Variants in NAA35 observed in about 807,000 individuals in gnomAD.
NAA35 encodes N-alpha-acetyltransferase 35, NatC auxiliary subunit.
In NAA35, 18 loss-of-function variants were observed where a neutral mutation model predicts 101.7. That is an observed-to-expected ratio of 0.18 (90% CI 0.12 to 0.26). The LOEUF (loss-of-function observed/expected upper bound fraction) is 0.26. Ranked by LOEUF, NAA35 falls within the 10% of genes least tolerant of loss-of-function variation. The pLI is 1.00. For synonymous variants in NAA35, 267 were observed against 273.1 expected (o/e 0.98, Z 0.22); for missense variants, 601 against 886.8 (o/e 0.68, Z 4.09).
chr9:85,949,089 T>A (rs1780785976), intron 2 of NAA35, among the ~76,000 whole-genome samples: 1 of 152,084 alleles, frequency 6.6e-6, no homozygotes, highest in South Asian at 2.1e-4. Context: ...TTTTAGGATC[T>A]TCTGTTTGTC....
chr9:86,005,391 T>G (rs139624937), intron 13 of NAA35, among the ~76,000 whole-genome samples: 1 of 152,308 alleles, frequency 6.6e-6, no homozygotes, highest in Non-Finnish European at 1.5e-5. Flanking sequence ...TCATACTTAA[T>G]GATGAAAGAC....
intron 2 of NAA35, among the ~76,000 whole-genome samples, chr9:85,952,989 C>G (rs1050122666): frequency 1.3e-5 from 2 of 152,156 alleles, no homozygotes; most frequent in Non-Finnish European, 2.9e-5. Context: ...GGCGGCAGAT[C>G]ACTAGAGCCC....
chr9:86,024,407 TG>T lies in NAA35; in HGVS notation c.*2449del, dbSNP rs1832692574. 2.0e-5 allele frequency among the ~76,000 whole-genome samples: 3 copies of T among 152,144 alleles called. No homozygotes were observed. In the South Asian group the frequency reaches 6.2e-4, roughly 32 times the overall value. Reference sequence around the variant, plus strand: ...CTGGGAGGCCACAGGTTAAAGATTTTGGACTTTATTCTGATATTGGTAGATT... The same window carrying T: ...CTGGGAGGCCACAGGTTAAAGATTTTGACTTTATTCTGATATTGGTAGATT... On this transcript the variant is annotated 3_prime_UTR_variant, in exon 23 of 23. Coordinates refer to ENST00000361671, the MANE Select transcript of NAA35 (RefSeq NM_024635.4).
At chr9:86,014,256 C>G (rs910787361) in intron 17 of NAA35, 9 of 395,712 alleles carry the variant, frequency 2.3e-5, no homozygotes, top group African/African-American at 2.0e-4. Context: ...GGAATGAGGT[C>G]TGTCTTCTTG....
chr9:85,974,942 G>A (rs1210158355), intron 6 of NAA35, 25 bp from the exon 7 acceptor site: 5 of 1,569,970 alleles, frequency 3.2e-6, no homozygotes, highest in Admixed American at 3.4e-5. Context: ...CTATTCATGA[G>A]CCTGATTATT....
intron 2 of NAA35, among the ~76,000 whole-genome samples, chr9:85,956,054 A>G (rs186955179): frequency 2.0e-5 from 3 of 152,344 alleles, no homozygotes; most frequent in Admixed American, 2.0e-4. Context: ...GGCGAAATAT[A>G]CTAGTGATTT....
rs1832648037 is a variant in NAA35, at chr9:86,023,308, C to A, written c.*1348C>A. On this transcript the variant is annotated 3_prime_UTR_variant, in exon 23 of 23. Transcript: ENST00000361671. The stretch of plus-strand genomic sequence containing the variant: ...CAATTATGGAGAGACAAAGAGTATA[C>A]CTGTTACTGATGTAGTTACTTTGTT... 6.6e-6 allele frequency among the ~76,000 whole-genome samples: 1 copy of A among 152,114 alleles called. No homozygotes were observed. The highest frequency in any genetic ancestry group is 2.1e-4 in the South Asian group (1 of 4,824).
intron 17 of NAA35, 38 bp from the exon 18 acceptor site, chr9:86,016,501 A>C (rs1832232701): frequency 1.3e-6 from 2 of 1,589,256 alleles, no homozygotes; most frequent in Non-Finnish European, 1.7e-6. Flanking sequence ...TGTCTCATTT[A>C]GACATCTACC....
chr9:85,991,543 G>A (rs900519744), intron 11 of NAA35, among the ~76,000 whole-genome samples: 1 of 152,192 alleles, frequency 6.6e-6, no homozygotes, highest in Non-Finnish European at 1.5e-5. Context: ...GTGGCTCCAT[G>A]TGGGAAGTTG....
chr9:85,969,270 CAAAAAAAAA>C (rs61275261), intron 6 of NAA35, among the ~76,000 whole-genome samples: 1 of 105,636 alleles, frequency 9.5e-6, no homozygotes, highest in Non-Finnish European at 2.2e-5. Flanking sequence ...CCTGGTATGT[CAAAAAAAAA>C]AAAAAAAAAA....
rs200156742 is a variant in NAA35 at position 85,978,393 on chromosome 9, A to G, written c.877+12A>G. On this transcript the variant is annotated intron_variant, in intron 11 of 22. Coordinates refer to ENST00000361671, the MANE Select transcript of NAA35 (RefSeq NM_024635.4). ...TACTACAAAAGGAGGTAATTGTTCAATTTGCTCCTACTCTTTCTTTTCTTC... is the reference window on the plus strand; with the variant it reads ...TACTACAAAAGGAGGTAATTGTTCAGTTTGCTCCTACTCTTTCTTTTCTTC... The G allele has an allele frequency of 9.2e-4, 1,383 of 1,507,928 alleles. 19 individuals are homozygous for G. In the South Asian group the frequency reaches 0.011, roughly 12 times the overall value. 93.4% of individuals were successfully genotyped at this position (1,507,928 alleles called of 1,614,324 possible).
intron 5 of NAA35, among the ~76,000 whole-genome samples, chr9:85,960,574 A>G (rs1020154151): frequency 2.0e-5 from 3 of 152,166 alleles, no homozygotes; most frequent in Non-Finnish European, 4.4e-5. Context: ...GCCTGTGATT[A>G]CATTGCTTGG....
chr9:85,961,948 G>T (rs1829531947), intron 5 of NAA35, 65 bp from the exon 6 acceptor site: 1 of 1,333,552 alleles, frequency 7.5e-7, no homozygotes, highest in Non-Finnish European at 1.0e-6. Context: ...TTGACTCTAG[G>T]ATCAATTTAG....
chr9:86,010,609 C>T (rs1249125903), intron 15 of NAA35, among the ~76,000 whole-genome samples: 42 of 129,622 alleles, frequency 3.2e-4, no homozygotes, highest in African/African-American at 1.2e-3. Context: ...GTGTCTCGCT[C>T]TGTGGCCCAG....
chr9:85,965,257 A>C (rs958087874), intron 6 of NAA35, among the ~76,000 whole-genome samples: 5 of 152,230 alleles, frequency 3.3e-5, no homozygotes, highest in African/African-American at 1.2e-4. Context: ...AATTGTTTGT[A>C]GTAACTAGTT....
At chr9:86,006,687 A>G (rs1320329096) in intron 13 of NAA35, among the ~76,000 whole-genome samples, 2 of 152,158 alleles carry the variant, frequency 1.3e-5, no homozygotes, top group Non-Finnish European at 2.9e-5. Flanking sequence ...GAATGTTTTT[A>G]GGGTGATACA....
chr9:85,958,923 TGTG>T (rs201125274), intron 4 of NAA35, among the ~76,000 whole-genome samples: 2,897 of 152,276 alleles, frequency 0.019, 38 homozygotes, highest in Non-Finnish European at 0.031. Flanking sequence ...GTAAAATACT[TGTG>T]GTAGTGAATT....
intron 4 of NAA35, among the ~76,000 whole-genome samples, chr9:85,959,504 T>C (rs1829420749): frequency 6.6e-6 from 1 of 152,100 alleles, no homozygotes; most frequent in African/African-American, 2.4e-5. Flanking sequence ...GATTTGGCTT[T>C]TCATTTTATA....
chr9:85,955,360 A>ATTTTTTTTTT (rs61549690), intron 2 of NAA35, among the ~76,000 whole-genome samples: 7 of 53,932 alleles, frequency 1.3e-4, no homozygotes, highest in African/African-American at 4.6e-4. Flanking sequence ...ATATATATAT[A>ATTTTTTTTTT]TTTTTTTTTT....
Sources: gnomAD v4.1 joint callset for allele counts (sites outside exome capture counted in the v4.1 genomes callset) on GRCh38, gnomAD v4.1.1 for gene constraint, MANE v1.5 for transcripts, NCBI Gene and HGNC (gene_info 2026-07-23, HGNC 2026-07-21) for gene names.